Variants in TNFSF13B observed in about 807,000 individuals in gnomAD.
TNFSF13B encodes the protein TNF superfamily member 13b.
A neutral mutation model predicts 29.1 loss-of-function variants in TNFSF13B; 8 were observed. That is an observed-to-expected ratio of 0.27 (90% confidence interval 0.16 to 0.50). TNFSF13B has a LOEUF of 0.50. TNFSF13B is among the 20% of genes least tolerant of loss of function. TNFSF13B has a pLI of 0.98. For synonymous variants in TNFSF13B, 125 were observed against 130.8 expected, an observed-to-expected ratio of 0.96 and a Z score of 0.30; for missense variants, 248 against 334.9, an observed-to-expected ratio of 0.74 and a Z score of 2.03.
chr13:108,295,074 T>G (rs1355039450), intron 3 of TNFSF13B, among the ~76,000 whole-genome samples: 1 of 145,900 alleles, frequency 6.9e-6, no homozygotes, highest in East Asian at 1.9e-4. Flanking sequence ...CTTTAATGAT[T>G]TTATTAATTG....
intron 3 of TNFSF13B, among the ~76,000 whole-genome samples, chr13:108,288,796 G>A (rs1272369725): frequency 6.6e-6 from 1 of 152,196 alleles, no homozygotes; most frequent in Non-Finnish European, 1.5e-5. Context: ...GGGGGCAGGA[G>A]AAAGTTTTGT....
chr13:108,298,343 A>G (rs1881513407), intron 3 of TNFSF13B, among the ~76,000 whole-genome samples: 1 of 145,628 alleles, frequency 6.9e-6, no homozygotes. Flanking sequence ...GATACATTAA[A>G]CTGATGAACA....
intron 5 of TNFSF13B, 140 bp downstream of exon 5, chr13:108,303,744 T>C: frequency 3.4e-6 from 3 of 875,944 alleles, no homozygotes; most frequent in Non-Finnish European, 5.2e-6. Context: ...ATATTGTGTT[T>C]TTTAAATCTT....
chr13:108,273,149 A>G (rs1392571491), intron 2 of TNFSF13B, among the ~76,000 whole-genome samples: 2 of 152,166 alleles, frequency 1.3e-5, no homozygotes, highest in Non-Finnish European at 2.9e-5. Flanking sequence ...ATAAACCTTA[A>G]TACAGTGTGC....
chr13:108,284,797 T>C (rs1881075194), intron 2 of TNFSF13B, among the ~76,000 whole-genome samples: 1 of 152,202 alleles, frequency 6.6e-6, no homozygotes, highest in Non-Finnish European at 1.5e-5. Context: ...GCCTTGTGAA[T>C]AATAATTACT....
At chr13:108,301,582 T>TA (rs974478884) in intron 3 of TNFSF13B, among the ~76,000 whole-genome samples, 3 of 152,174 alleles carry the variant, frequency 2.0e-5, no homozygotes, top group East Asian at 1.9e-4. Context: ...ATGTGGAATC[T>TA]AAAAAAAGTC....
In TNFSF13B at chr13:108,305,858, T is replaced by C. The variant is rs577905163; in HGVS notation, c.746-968T>C. Among the ~76,000 whole-genome samples, 3 of 152,264 alleles carry C rather than the reference T, an allele frequency of 2.0e-5. No individual in the cohort carries two copies. In the South Asian group the frequency reaches 6.2e-4, roughly 32 times the overall value. On this transcript the variant is annotated intron_variant, in intron 5 of 5. Transcript: ENST00000375887. The stretch of plus-strand genomic sequence containing the variant: ...TGGCTGCTGCCTGAGCAAATTTGCA[T>C]GCTTTGGGCTTTAGGTTAGAATAGA...
At chr13:108,283,275 A>G (rs1033551788) in intron 2 of TNFSF13B, among the ~76,000 whole-genome samples, 1 of 152,280 alleles carries the variant, frequency 6.6e-6, no homozygotes, top group Non-Finnish European at 1.5e-5. Context: ...GTCTGGAACA[A>G]GGACAATTAT....
intron 3 of TNFSF13B, chr13:108,302,706 G>A: frequency 2.2e-6 from 1 of 460,434 alleles, no homozygotes; most frequent in Non-Finnish European, 2.9e-6. Flanking sequence ...ATCATAGATG[G>A]TTGTTACAAA....
At chr13:108,306,544 A>G (rs1267235309) in intron 5 of TNFSF13B, among the ~76,000 whole-genome samples, 1 of 151,960 alleles carries the variant, frequency 6.6e-6, no homozygotes, top group East Asian at 1.9e-4. Context: ...GATTTACCTA[A>G]TTGTTTAAAA....
At position 108,307,300 on chromosome 13, in the gene TNFSF13B, C is replaced by T. The variant is rs1881807620; in HGVS notation, c.*362C>T. 1 of 174,426 alleles carries T rather than the reference C, an allele frequency of 5.7e-6. No homozygotes were observed. The highest frequency in any genetic ancestry group is 1.2e-5 in the Non-Finnish European group (1 of 83,454). 10.8% of individuals were successfully genotyped at this position (174,426 alleles called of 1,614,324 possible). ...TAAGGATTTTGTAAAACGTGGCATC[C>T]ATAATTTACTATGGAGCAAGTGCCC... On this transcript the variant is annotated 3_prime_UTR_variant, in exon 6 of 6. Coordinates refer to ENST00000375887, the MANE Select transcript of TNFSF13B (RefSeq NM_006573.5).
At chr13:108,285,492 A>G (rs9520831) in intron 2 of TNFSF13B, among the ~76,000 whole-genome samples, 24,034 of 152,182 alleles carry the variant, frequency 0.16, 2,147 homozygotes, top group Non-Finnish European at 0.19. Flanking sequence ...ACCAACTTGT[A>G]CAGCATGTTA....
Position 108,306,808 on chromosome 13 carries a change from T to G in TNFSF13B, c.746-18T>G, listed in dbSNP as rs1326814116. 4.1e-6 allele frequency: 6 copies of G among 1,446,364 alleles called. No individual in the cohort carries two copies. The highest frequency in any genetic ancestry group is 5.8e-6 in the Non-Finnish European group (6 of 1,029,180). 89.6% of individuals were successfully genotyped at this position (1,446,364 alleles called of 1,614,324 possible). On this transcript the variant is annotated intron_variant, in intron 5 of 5. Coordinates refer to ENST00000375887, the MANE Select transcript of TNFSF13B (RefSeq NM_006573.5). ...GTTGTATAACCACTTATAGTTCTTG[T>G]AAATCATTTTTTCCCAGGCATTGCA...
chr13:108,294,524 C>A (rs191492276), intron 3 of TNFSF13B, among the ~76,000 whole-genome samples: 1 of 151,898 alleles, frequency 6.6e-6, no homozygotes, highest in Non-Finnish European at 1.5e-5. Context: ...AAATAGAGAT[C>A]GTTTTACTAC....
intron 2 of TNFSF13B, among the ~76,000 whole-genome samples, chr13:108,276,765 T>A (rs936359799): frequency 1.3e-5 from 2 of 151,742 alleles, no homozygotes; most frequent in African/African-American, 2.4e-5. Flanking sequence ...TACTTTTGAC[T>A]ATTTTTTTTA....
At position 108,308,453 on chromosome 13, in the gene TNFSF13B, C is replaced by A. The variant is rs1425607732; in HGVS notation, c.*1515C>A. 1 of 152,008 alleles carries A rather than the reference C, an allele frequency of 6.6e-6. No individual in the cohort carries two copies. Among genetic ancestry groups the A allele is most frequent in the Non-Finnish European group, 1.5e-5 (1 of 67,974 alleles). The allele number at this position is 152,008 out of a possible 1,614,324, so 9.4% of individuals were successfully genotyped here. Reference sequence around the variant, plus strand: ...TGGTGTTGCTGCTAATGTGGATTAACAAATAAAAACATTCATTGCCTTTTG... The same window carrying A: ...TGGTGTTGCTGCTAATGTGGATTAAAAAATAAAAACATTCATTGCCTTTTG... On this transcript the variant is annotated 3_prime_UTR_variant, in exon 6 of 6. Coordinates refer to ENST00000375887, the MANE Select transcript of TNFSF13B (RefSeq NM_006573.5).
intron 2 of TNFSF13B, among the ~76,000 whole-genome samples, chr13:108,276,141 A>C (rs1340045711): frequency 1.3e-5 from 2 of 152,188 alleles, no homozygotes; most frequent in Non-Finnish European, 2.9e-5. Flanking sequence ...AGGCTGTAAC[A>C]TGAGTGTTGG....
intron 2 of TNFSF13B, among the ~76,000 whole-genome samples, chr13:108,285,434 G>A (rs1027689185): frequency 6.6e-6 from 1 of 152,194 alleles, no homozygotes; most frequent in African/African-American, 2.4e-5. Context: ...AGGTGGTGTA[G>A]CCTTCTACAC....
At position 108,269,857 on chromosome 13, in the gene TNFSF13B, T is replaced by C. The variant is rs750916681; in HGVS notation, c.-39T>C. 4.6e-5 allele frequency: 70 copies of C among 1,534,700 alleles called. No individual in the cohort carries two copies. In the South Asian group the frequency reaches 8.2e-4, roughly 18 times the overall value. ...AAATGATCCATTCCCTGTGGTCACTTATTCTAAAGGCCCCAACCTTCAAAG... is the reference window on the plus strand; with the variant it reads ...AAATGATCCATTCCCTGTGGTCACTCATTCTAAAGGCCCCAACCTTCAAAG... On this transcript the variant is annotated 5_prime_UTR_variant, in exon 1 of 6. Coordinates refer to ENST00000375887, the MANE Select transcript of TNFSF13B (RefSeq NM_006573.5).
Sources: allele counts gnomAD v4.1 joint callset (sites outside exome capture counted in the v4.1 genomes callset), GRCh38; gene constraint gnomAD v4.1.1; transcripts MANE v1.5; gene names NCBI Gene and HGNC (gene_info 2026-07-23, HGNC 2026-07-21).